The following DMD variants were observed in gnomAD, a reference collection of about 807,000 sequenced individuals.
DMD encodes mutant dystrophin.
A neutral mutation model predicts 330.1 loss-of-function variants in DMD; 63 were observed. The observed-to-expected ratio is 0.19, with a 90% CI of 0.16 to 0.24. The LOEUF (loss-of-function observed/expected upper bound fraction) is 0.24, where lower values mean the gene tolerates loss of function less well. Among genes scored for constraint, DMD ranks in the 10% least tolerant of loss-of-function variants. The pLI is 1.00. For synonymous variants in DMD, 1,223 were observed against 959.8 expected, an observed-to-expected ratio of 1.27 and a Z score of -5.07; for missense variants, 3,344 against 2,684.1, an observed-to-expected ratio of 1.25 and a Z score of -5.43.
intron 23 of DMD, among the ~76,000 whole-genome samples, chrX:32,467,062 G>T (rs539597737): frequency 3.6e-5 from 4 of 111,881 alleles, no homozygotes; most frequent in South Asian, 7.5e-4. Flanking sequence ...ACAAATAATA[G>T]ATATTTTCAT....
At chrX:31,494,928 C>T (rs1483712280) in intron 57 of DMD, among the ~76,000 whole-genome samples, 1 of 111,859 alleles carries the variant, frequency 8.9e-6, no homozygotes, top group Non-Finnish European at 1.9e-5. Flanking sequence ...AATTCTGTCT[C>T]ATTTCACTAT....
intron 7 of DMD, among the ~76,000 whole-genome samples, chrX:32,766,277 T>A (rs1295892054): frequency 1.8e-5 from 2 of 111,586 alleles, no homozygotes; most frequent in Non-Finnish European, 3.8e-5. Context: ...TGTAGTTTGT[T>A]TTGAGTAACT....
At chrX:32,647,475 C>A (rs2059855081) in intron 9 of DMD, among the ~76,000 whole-genome samples, 1 of 110,707 alleles carries the variant, frequency 9.0e-6, no homozygotes, top group Admixed American at 9.6e-5. Context: ...AGCAAGAAGG[C>A]AATTTTTTCA....
intron 76 of DMD, among the ~76,000 whole-genome samples, chrX:31,137,174 A>C (rs1458280821): frequency 9.0e-6 from 1 of 110,742 alleles, no homozygotes. Context: ...GCGTGCCACC[A>C]CGCCTGGCTA....
intron 1 of DMD, chrX:33,041,463 A>G (rs2094299982): frequency 8.3e-7 from 1 of 1,205,157 alleles, no homozygotes; most frequent in East Asian, 3.0e-5. Flanking sequence ...TCAAATAAAA[A>G]GTGATGTATG....
chrX:31,689,736 T>C (rs1405102921), intron 52 of DMD, among the ~76,000 whole-genome samples: 1 of 111,685 alleles, frequency 9.0e-6, no homozygotes, highest in Non-Finnish European at 1.9e-5. Context: ...AAGGCTACGG[T>C]AACCAAAACA....
At chrX:32,415,692 T>C (rs1368347502) in intron 29 of DMD, among the ~76,000 whole-genome samples, 3 of 112,194 alleles carry the variant, frequency 2.7e-5, no homozygotes, top group African/African-American at 9.7e-5. Flanking sequence ...AGAGGAATTA[T>C]ATAGCTAGAC....
chrX:33,159,822 A>G (rs1244915952), intron 1 of DMD, among the ~76,000 whole-genome samples: 17 of 111,535 alleles, frequency 1.5e-4, no homozygotes, highest in Non-Finnish European at 3.0e-4. Context: ...TGCTGGGTCA[A>G]ATGGTATTTC....
chrX:33,235,022 C>G (rs909266825), intron 1 of DMD, among the ~76,000 whole-genome samples: 4 of 111,956 alleles, frequency 3.6e-5, no homozygotes, highest in African/African-American at 1.3e-4. Context: ...TGTTACTACT[C>G]ACCCTTATAG....
At chrX:32,362,666 T>C (rs1037613331) in intron 37 of DMD, 122 bp downstream of exon 37, 2 of 770,832 alleles carry the variant, frequency 2.6e-6, no homozygotes, top group African/African-American at 4.1e-5. Context: ...TAAATACATT[T>C]TGGCATTCAT....
intron 55 of DMD, among the ~76,000 whole-genome samples, chrX:31,594,546 T>C (rs1307603802): frequency 2.7e-5 from 3 of 111,678 alleles, no homozygotes; most frequent in Non-Finnish European, 5.7e-5. Flanking sequence ...TTGGAAATCA[T>C]TAATTAACTG....
intron 62 of DMD, among the ~76,000 whole-genome samples, chrX:31,271,305 G>A (rs1271955201): frequency 9.0e-6 from 1 of 111,678 alleles, no homozygotes; most frequent in Admixed American, 9.5e-5. Context: ...CTTGAGCTCA[G>A]AGGGAAGATG....
intron 43 of DMD, among the ~76,000 whole-genome samples, chrX:32,252,733 A>T (rs10570798): frequency 1.4e-4 from 5 of 35,848 alleles, no homozygotes; most frequent in African/African-American, 4.6e-4. Context: ...TAAATATATA[A>T]ATATATATAT....
chrX:32,679,111 G>A (rs768495625), intron 9 of DMD, among the ~76,000 whole-genome samples: 1 of 111,734 alleles, frequency 8.9e-6, no homozygotes, highest in Non-Finnish European at 1.9e-5. Context: ...CTAATTATCT[G>A]AGTGATTAAT....
intron 60 of DMD, among the ~76,000 whole-genome samples, chrX:31,433,136 A>G (rs1388923531): frequency 1.8e-5 from 2 of 112,089 alleles, no homozygotes; most frequent in African/African-American, 6.5e-5. Flanking sequence ...CTTATAAGTG[A>G]GCACATGCAT....
chrX:32,311,903 C>T (rs1477087846), intron 41 of DMD, among the ~76,000 whole-genome samples: 1 of 111,499 alleles, frequency 9.0e-6, no homozygotes, highest in Admixed American at 9.6e-5. Context: ...TGGTTGGTGA[C>T]CATTATGTTG....
chrX:31,381,186 A>G (rs1219805085), intron 60 of DMD, among the ~76,000 whole-genome samples: 1 of 110,647 alleles, frequency 9.0e-6, no homozygotes. Flanking sequence ...AGCTTTAGAG[A>G]CTGCTCCCAC....
chrX:33,105,300 T>C (rs767206616), intron 1 of DMD, among the ~76,000 whole-genome samples: 2 of 111,549 alleles, frequency 1.8e-5, no homozygotes, highest in South Asian at 3.7e-4. Context: ...AAGACTTAAG[T>C]CTAAGACCTG....
At chrX:32,784,049 A>C (rs1327003994) in intron 7 of DMD, among the ~76,000 whole-genome samples, 1 of 110,119 alleles carries the variant, frequency 9.1e-6, no homozygotes, top group African/African-American at 3.3e-5. Context: ...GTGTGTTTAG[A>C]GGACAAATTA....
Sources: allele counts gnomAD v4.1 joint callset (sites outside exome capture counted in the v4.1 genomes callset), GRCh38; gene constraint gnomAD v4.1.1; transcripts MANE v1.5; gene names NCBI Gene and HGNC (gene_info 2026-07-23, HGNC 2026-07-21).